The following C12orf42 variants were observed in gnomAD, a reference collection of about 807,000 sequenced individuals.
The protein encoded by C12orf42 is uncharacterized protein C12orf42.
A neutral mutation model predicts 21.6 loss-of-function variants in C12orf42; 25 were observed. The ratio of observed to expected loss-of-function variants is 1.16; its 90% CI spans 0.84 to 1.62. The LOEUF is 1.62. Among genes scored for constraint, C12orf42 ranks in the 40% most tolerant of loss-of-function variants. The pLI, the probability that C12orf42 is intolerant of heterozygous loss-of-function variation, is 0.00. For missense variants in C12orf42, 483 were observed against 459.3 expected, an observed-to-expected ratio of 1.05 and a Z score of -0.47; for synonymous variants, 174 against 175.0, an observed-to-expected ratio of 0.99 and a Z score of 0.05.
intron 4 of C12orf42, among the ~76,000 whole-genome samples, chr12:103,291,819 A>G (rs12301542): frequency 0.48 from 73,317 of 152,032 alleles, 19,989 homozygotes; most frequent in African/African-American, 0.74. Flanking sequence ...GTTTTGGCCT[A>G]TTTCTTTACT....
At chr12:103,197,454 T>A in the C12orf42 span, among the ~76,000 whole-genome samples, 1 of 152,368 alleles carries the variant, frequency 6.6e-6, no homozygotes, top group African/African-American at 2.4e-5. Context: ...ATCTCTCAGA[T>A]CTTGTATTGT....
At chr12:103,099,911 A>G in the C12orf42 span, among the ~76,000 whole-genome samples, 1 of 152,162 alleles carries the variant, frequency 6.6e-6, no homozygotes, top group Non-Finnish European at 1.5e-5. Flanking sequence ...AGATAAACCT[A>G]TTGCTGACTC....
chr12:103,338,615 A>C (rs2041922208), intron 4 of C12orf42, among the ~76,000 whole-genome samples: 1 of 152,234 alleles, frequency 6.6e-6, no homozygotes, highest in South Asian at 2.1e-4. Flanking sequence ...ACAAGATAAG[A>C]GCCTCCTAAA....
chr12:103,552,933 C>T, the C12orf42 span, among the ~76,000 whole-genome samples: 1 of 151,826 alleles, frequency 6.6e-6, no homozygotes. Context: ...CCTTATAAAA[C>T]CATCAGATCT....
chr12:103,161,090 A>G, the C12orf42 span, among the ~76,000 whole-genome samples: 26 of 152,282 alleles, frequency 1.7e-4, 1 homozygote, highest in South Asian at 5.0e-3. Context: ...CAGACGCAAA[A>G]CGTGTAATGG....
chr12:103,471,801 A>G (rs1953633225), intron 2 of C12orf42, among the ~76,000 whole-genome samples: 1 of 152,236 alleles, frequency 6.6e-6, no homozygotes, highest in Non-Finnish European at 1.5e-5. Context: ...TGACATGTAT[A>G]TAGCACATTG....
the C12orf42 span, among the ~76,000 whole-genome samples, chr12:103,069,770 G>T: frequency 6.6e-6 from 1 of 152,026 alleles, no homozygotes. Context: ...TGGCATACCA[G>T]GCAAATTAGC....
At chr12:103,068,886 T>TATAG in the C12orf42 span, among the ~76,000 whole-genome samples, 272 of 133,382 alleles carry the variant, frequency 2.0e-3, 1 homozygote, top group Non-Finnish European at 2.5e-3. Context: ...TATATATATA[T>TATAG]ATAGATAGAT....
chr12:103,296,907 T>G (rs1219776148), intron 4 of C12orf42, among the ~76,000 whole-genome samples: 1 of 152,232 alleles, frequency 6.6e-6, no homozygotes, highest in Non-Finnish European at 1.5e-5. Context: ...CCATTGCTTT[T>G]GGTGTTTTAG....
intron 4 of C12orf42, among the ~76,000 whole-genome samples, chr12:103,307,442 C>A (rs768349857): frequency 8.5e-5 from 13 of 152,160 alleles, no homozygotes; most frequent in Non-Finnish European, 1.5e-4. Context: ...GGGAAACTGA[C>A]AGCCTACTGT....
At chr12:103,390,243 C>G (rs1189884680) in intron 3 of C12orf42, among the ~76,000 whole-genome samples, 1 of 152,198 alleles carries the variant, frequency 6.6e-6, no homozygotes, top group Admixed American at 6.5e-5. Flanking sequence ...TAACTATGTT[C>G]CAGGCAAAGT....
intron 2 of C12orf42, among the ~76,000 whole-genome samples, chr12:103,416,636 AAG>A (rs1491378115): frequency 2.2e-4 from 34 of 151,858 alleles, no homozygotes; most frequent in Non-Finnish European, 4.4e-4. Flanking sequence ...GTTAAAAAAA[AAG>A]AGTTTGCTTC....
chr12:103,487,366 T>C (rs1296292950), intron 1 of C12orf42, among the ~76,000 whole-genome samples: 1 of 152,248 alleles, frequency 6.6e-6, no homozygotes, highest in Non-Finnish European at 1.5e-5. Context: ...AGGAGTGCTT[T>C]ACTTCCAATT....
chr12:103,244,523 C>T (rs967655172), intron 10 of C12orf42, among the ~76,000 whole-genome samples: 1 of 150,240 alleles, frequency 6.7e-6, no homozygotes, highest in African/African-American at 2.5e-5. Flanking sequence ...AAATATTCCT[C>T]TTTCCCTAAG....
chr12:103,355,471 A>T (rs1170004676), intron 4 of C12orf42, among the ~76,000 whole-genome samples: 13 of 152,262 alleles, frequency 8.5e-5, no homozygotes, highest in South Asian at 6.2e-4. Flanking sequence ...AAGGAAGATG[A>T]TCATTTCTAC....
intron 4 of C12orf42, among the ~76,000 whole-genome samples, chr12:103,296,841 T>C (rs1225335540): frequency 1.3e-5 from 2 of 152,258 alleles, no homozygotes; most frequent in Admixed American, 6.5e-5. Flanking sequence ...TTTCTTTTGC[T>C]GTGCAGAAGC....
chr12:103,251,737 A>G (rs1325063971), intron 10 of C12orf42, among the ~76,000 whole-genome samples: 1 of 152,200 alleles, frequency 6.6e-6, no homozygotes, highest in Admixed American at 6.6e-5. Context: ...CATAATTTTT[A>G]AATGCTTTCA....
At chr12:103,086,513 C>T in the C12orf42 span, among the ~76,000 whole-genome samples, 2 of 149,482 alleles carry the variant, frequency 1.3e-5, no homozygotes, top group East Asian at 1.9e-4. Flanking sequence ...CCAGGCAATA[C>T]GAGATAATCT....
chr12:103,417,624 T>A (rs563993947), intron 2 of C12orf42, among the ~76,000 whole-genome samples: 1 of 152,218 alleles, frequency 6.6e-6, no homozygotes, highest in Non-Finnish European at 1.5e-5. Context: ...CAATCTTAAT[T>A]ACCTAAGAGA....
Sources: allele counts gnomAD v4.1 joint callset (sites outside exome capture counted in the v4.1 genomes callset), GRCh38; gene constraint gnomAD v4.1.1; transcripts MANE v1.5; gene names NCBI Gene and HGNC (gene_info 2026-07-23, HGNC 2026-07-21).